Variants in PDE1C observed in about 807,000 individuals in gnomAD.
PDE1C encodes dual specificity calcium/calmodulin-dependent 3',5'-cyclic nucleotide phosphodiesterase 1C.
A neutral mutation model predicts 93.1 loss-of-function variants in PDE1C; 62 were observed. The observed-to-expected ratio is 0.67, with a 90% CI of 0.54 to 0.82. PDE1C has a LOEUF of 0.82. PDE1C is among the 40% of genes least tolerant of loss of function. The pLI, the probability that PDE1C is intolerant of heterozygous loss-of-function variation, is 0.00. For synonymous variants in PDE1C, 325 were observed against 310.1 expected (o/e 1.05, Z -0.50); for missense variants, 742 against 884.6 (o/e 0.84, Z 2.04).
the PDE1C span, among the ~76,000 whole-genome samples, chr7:31,702,063 C>T: frequency 3.9e-5 from 6 of 152,124 alleles, no homozygotes; most frequent in African/African-American, 1.4e-4. Flanking sequence ...TTGTATAACC[C>T]AGATCTGATC....
At chr7:32,017,857 T>A (rs1176260018) in intron 2 of PDE1C, among the ~76,000 whole-genome samples, 1 of 152,032 alleles carries the variant, frequency 6.6e-6, no homozygotes, top group African/African-American at 2.4e-5. Context: ...GGATGGTGGA[T>A]TGCTTGAGTC....
At position 31,846,223 on chromosome 7, in the gene PDE1C, CT is replaced by C. The variant is rs200755773; in HGVS notation, c.980+1744del. ...TTCTGTTATACATACTTTTACTTTT[CT>C]TTTTTTTTCTTTTTTTTTTTTTTTT... On this transcript the variant is annotated intron_variant, in intron 9 of 17. Transcript: ENST00000396191. Among the ~76,000 whole-genome samples the C allele has an allele frequency of 8.5e-3, 1,209 of 142,382 alleles. 18 individuals carry two copies. Among genetic ancestry groups the C allele is most frequent in the African/African-American group, 0.03 (1,146 of 38,592 alleles). The allele number at this position is 142,382 out of a possible 152,430, so 93.4% of individuals were successfully genotyped here.
At chr7:32,285,029 CAA>C (rs773479808) in intron 1 of PDE1C, among the ~76,000 whole-genome samples, 17 of 81,288 alleles carry the variant, frequency 2.1e-4, no homozygotes, top group Admixed American at 2.6e-4. Flanking sequence ...GACTCTGTCT[CAA>C]AAAAAAAAAA....
At chr7:32,277,634 G>A (rs963026086) in intron 1 of PDE1C, among the ~76,000 whole-genome samples, 6 of 152,162 alleles carry the variant, frequency 3.9e-5, no homozygotes, top group Non-Finnish European at 2.9e-5. Context: ...GTCTGGCTTC[G>A]ATGAATAAAA....
chr7:31,987,343 C>T (rs1180176359), intron 2 of PDE1C, among the ~76,000 whole-genome samples: 1 of 152,170 alleles, frequency 6.6e-6, no homozygotes, highest in Non-Finnish European at 1.5e-5. Flanking sequence ...CCCAGCAGTG[C>T]TTAGGAATCA....
intron 3 of PDE1C, among the ~76,000 whole-genome samples, chr7:32,116,505 C>T (rs1798992365): frequency 2.0e-5 from 3 of 152,084 alleles, no homozygotes; most frequent in Admixed American, 1.3e-4. Context: ...CCTTAATGAC[C>T]TCCCCAAATG....
chr7:31,984,766 T>C (rs1783144703), intron 2 of PDE1C, among the ~76,000 whole-genome samples: 1 of 152,218 alleles, frequency 6.6e-6, no homozygotes, highest in Non-Finnish European at 1.5e-5. Context: ...AGATTGTCTG[T>C]TACCTCAGTT....
chr7:32,108,121 C>T (rs1211027164), intron 3 of PDE1C, among the ~76,000 whole-genome samples: 2 of 145,634 alleles, frequency 1.4e-5, no homozygotes, highest in Non-Finnish European at 3.0e-5. Flanking sequence ...AAAAGAGTTA[C>T]AAATATGGTA....
chr7:32,400,323 A>G (rs914055228), intron 1 of PDE1C, among the ~76,000 whole-genome samples: 1 of 152,198 alleles, frequency 6.6e-6, no homozygotes, highest in African/African-American at 2.4e-5. Flanking sequence ...CTCCAACTCA[A>G]GGCATGACCT....
chr7:32,311,895 T>C (rs554313543), intron 1 of PDE1C, among the ~76,000 whole-genome samples: 1 of 152,192 alleles, frequency 6.6e-6, no homozygotes, highest in African/African-American at 2.4e-5. Context: ...GTGTTGGAAG[T>C]TCTGGCCAGG....
the PDE1C span, among the ~76,000 whole-genome samples, chr7:31,693,531 C>A: frequency 6.6e-6 from 1 of 152,308 alleles, no homozygotes. Flanking sequence ...GCTTTCTGAG[C>A]CTCAGTTTCC....
chr7:31,880,183 T>A (rs1319742106), intron 3 of PDE1C, among the ~76,000 whole-genome samples: 1 of 152,190 alleles, frequency 6.6e-6, no homozygotes, highest in African/African-American at 2.4e-5. Flanking sequence ...TCAACATTTT[T>A]CAAAAGAAAT....
intron 2 of PDE1C, among the ~76,000 whole-genome samples, chr7:31,982,588 C>G (rs1244823993): frequency 6.6e-6 from 1 of 151,850 alleles, no homozygotes; most frequent in Non-Finnish European, 1.5e-5. Flanking sequence ...ATGGGTCCCT[C>G]TCAGTTTGGG....
chr7:31,621,682 C>G, the PDE1C span, among the ~76,000 whole-genome samples: 2,214 of 128,612 alleles, frequency 0.017, 14 homozygotes, highest in Middle Eastern at 0.022. Flanking sequence ...TCGAGACTAG[C>G]AATAAACTGC....
intron 2 of PDE1C, among the ~76,000 whole-genome samples, chr7:31,900,123 C>A (rs934379973): frequency 1.3e-5 from 2 of 151,994 alleles, no homozygotes; most frequent in Non-Finnish European, 2.9e-5. Flanking sequence ...AAATTAAAAC[C>A]CACAAAAAGA....
intron 1 of PDE1C, among the ~76,000 whole-genome samples, chr7:32,264,827 G>A (rs1255762943): frequency 1.4e-4 from 21 of 152,180 alleles, no homozygotes. Context: ...ATGGCCTAGC[G>A]AAAGTTCTAC....
upstream of PDE1C, chr7:32,071,145 C>T: frequency 2.0e-6 from 2 of 985,508 alleles, no homozygotes; most frequent in Non-Finnish European, 2.4e-6. Flanking sequence ...ACACTCACCC[C>T]CGCAGGGCAG....
intron 16 of PDE1C, among the ~76,000 whole-genome samples, chr7:31,802,914 A>C (rs970623570): frequency 2.0e-5 from 3 of 151,608 alleles, no homozygotes; most frequent in Non-Finnish European, 4.4e-5. Flanking sequence ...CCTGTGCTTG[A>C]GATGTATTGA....
the PDE1C span, chr7:31,651,932 C>A: frequency 6.4e-7 from 1 of 1,574,220 alleles, no homozygotes; most frequent in Non-Finnish European, 8.6e-7. Flanking sequence ...CTATTATTTA[C>A]TTGCAGGGAG....
Sources: allele counts gnomAD v4.1 joint callset (sites outside exome capture counted in the v4.1 genomes callset), GRCh38; gene constraint gnomAD v4.1.1; transcripts MANE v1.5; gene names NCBI Gene and HGNC (gene_info 2026-07-23, HGNC 2026-07-21).